The following C5 variants were observed in gnomAD, a reference collection of about 807,000 sequenced individuals.
The protein encoded by C5 is complement C5.
C5 carries 140 observed loss-of-function variants against 218.8 expected under a neutral mutation model. The ratio of observed to expected loss-of-function variants is 0.64; its 90% CI spans 0.56 to 0.74. The LOEUF (loss-of-function observed/expected upper bound fraction) is 0.74, where lower values mean the gene tolerates loss of function less well. Among genes scored for constraint, C5 ranks in the 30% least tolerant of loss-of-function variants. The probability of loss-of-function intolerance (pLI) is 0.00; values close to 1 mark genes in which losing one functional copy is unlikely to be tolerated. For synonymous variants in C5, 614 were observed against 682.3 expected (o/e 0.90, Z 1.56); for missense variants, 1,700 against 1,969.6 (o/e 0.86, Z 2.59).
chr9:120,971,383 A>T (rs1564135141), intron 31 of C5, among the ~76,000 whole-genome samples: 1 of 151,806 alleles, frequency 6.6e-6, no homozygotes. Flanking sequence ...AAAATTATAT[A>T]TCTCTATAAA....
chr9:121,003,443 G>A (rs997042348), intron 20 of C5, among the ~76,000 whole-genome samples: 1 of 152,054 alleles, frequency 6.6e-6, no homozygotes, highest in African/African-American at 2.4e-5. Context: ...ATATGGAAAA[G>A]TTCATTTTTA....
intron 39 of C5, among the ~76,000 whole-genome samples, chr9:120,955,126 C>A (rs903967352): frequency 1.3e-5 from 2 of 152,200 alleles, no homozygotes; most frequent in African/African-American, 4.8e-5. Flanking sequence ...CCTCAAACTA[C>A]AGTTTGCCCT....
In C5 at chr9:120,999,622, A is replaced by AAC. The variant is rs201018636; in HGVS notation, c.2563-1850_2563-1849dup. On this transcript the variant is annotated intron_variant, in intron 20 of 40. Transcript: ENST00000223642. ...AACTGAATCCAGCCAACTGCCTGCT[A>AAC]ACACACACACACACACGAAAAATCT... 290 of 216,714 alleles carry AAC rather than the reference A, an allele frequency of 1.3e-3. 1 individual carries two copies. Among genetic ancestry groups the AAC allele is most frequent in the South Asian group, 0.013 (238 of 18,606 alleles). The allele number at this position is 216,714 out of a possible 1,614,324, so 13.4% of individuals were successfully genotyped here. A position where few individuals can be genotyped will look rare whatever the true frequency, so the allele number is the denominator to read the frequency against.
chr9:120,978,248 A>G (rs76481162), intron 28 of C5, among the ~76,000 whole-genome samples: 9,642 of 152,264 alleles, frequency 0.063, 377 homozygotes, highest in Non-Finnish European at 0.091. Context: ...TATTTGTTTT[A>G]AAAAAAGTAA....
chr9:121,035,175 TAAC>T (rs1156891232), intron 4 of C5, among the ~76,000 whole-genome samples: 10 of 152,254 alleles, frequency 6.6e-5, no homozygotes, highest in African/African-American at 2.4e-4. Flanking sequence ...AGATGAAGTG[TAAC>T]AACACGTAAA....
intron 37 of C5, 48 bp downstream of exon 37, chr9:120,961,434 G>A: frequency 3.3e-6 from 4 of 1,211,004 alleles, no homozygotes; most frequent in Non-Finnish European, 4.9e-6. Context: ...GGTTATGAAC[G>A]ACTGCTTTAA....
intron 20 of C5, among the ~76,000 whole-genome samples, chr9:121,004,971 G>A (rs1416127134): frequency 3.1e-5 from 3 of 97,876 alleles, no homozygotes; most frequent in Non-Finnish European, 6.3e-5. Flanking sequence ...AGGGCAGAGC[G>A]AGACTCCGTC....
chr9:121,018,019 G>A lies in C5; in HGVS notation c.1507-167C>T, dbSNP rs139215636. 6.0e-3 allele frequency among the ~76,000 whole-genome samples: 908 copies of A among 150,294 alleles called. 18 individuals are homozygous for A. The highest frequency in any genetic ancestry group is 0.021 in the African/African-American group (864 of 40,876). ...TGTAATCCTAGCACTTTGGGAGGCC[G>A]AGGTGGGCCGATCACTTGAGGCCAG... On this transcript the variant is annotated intron_variant, in intron 12 of 40. Coordinates refer to ENST00000223642, the MANE Select transcript of C5 (RefSeq NM_001735.3).
At chr9:121,074,713 T>G in the C5 span, 1 of 432,602 alleles carries the variant, frequency 2.3e-6, no homozygotes, top group Non-Finnish European at 4.6e-6. Flanking sequence ...AGCTGCCGCA[T>G]GAAACCTCGG....
intron 1 of C5, among the ~76,000 whole-genome samples, chr9:121,047,024 G>A (rs990139172): frequency 2.0e-5 from 3 of 152,144 alleles, no homozygotes; most frequent in African/African-American, 7.2e-5. Context: ...AAGTGCATTT[G>A]GAAATGGAAA....
chr9:120,978,678 C>T (rs1353390133), intron 28 of C5, among the ~76,000 whole-genome samples: 1 of 152,176 alleles, frequency 6.6e-6, no homozygotes, highest in African/African-American at 2.4e-5. Flanking sequence ...AAGTGCCCAA[C>T]CATGCTAATA....
At chr9:121,007,005 T>C in intron 18 of C5, 28 bp from the exon 19 acceptor site, 2 of 1,517,574 alleles carry the variant, frequency 1.3e-6, no homozygotes, top group Non-Finnish European at 1.8e-6. Context: ...GATATTCAAA[T>C]ACAGTGGAAT....
At chr9:121,029,135 T>C (rs2047451932) in intron 7 of C5, among the ~76,000 whole-genome samples, 1 of 152,204 alleles carries the variant, frequency 6.6e-6, no homozygotes, top group South Asian at 2.1e-4. Context: ...AAGAATAAAG[T>C]AAACTTTCTA....
upstream of C5, among the ~76,000 whole-genome samples, chr9:121,053,872 G>A (rs2047685271): frequency 6.6e-6 from 1 of 152,166 alleles, no homozygotes; most frequent in Admixed American, 6.5e-5. Flanking sequence ...GGAGAATTCT[G>A]TGCTCCAGAG....
At chr9:120,969,210 G>A (rs1240161752) in intron 32 of C5, 92 bp from the exon 33 acceptor site, 1 of 984,556 alleles carries the variant, frequency 1.0e-6, no homozygotes, top group Admixed American at 1.7e-5. Flanking sequence ...TCATTAATGA[G>A]CAAATCTTTG....
At chr9:121,073,462 C>T in the C5 span, among the ~76,000 whole-genome samples, 1 of 148,188 alleles carries the variant, frequency 6.7e-6, no homozygotes, top group Non-Finnish European at 1.5e-5. Flanking sequence ...CCTCACTGTT[C>T]TAAGTTCTTT....
intron 28 of C5, chr9:120,979,853 T>C: frequency 2.1e-6 from 1 of 480,730 alleles, no homozygotes; most frequent in Non-Finnish European, 3.8e-6. Flanking sequence ...CACTCCAGCC[T>C]GGGTGACAGA....
intron 17 of C5, among the ~76,000 whole-genome samples, chr9:121,012,359 A>C (rs1564150863): frequency 6.6e-6 from 1 of 152,184 alleles, no homozygotes; most frequent in Non-Finnish European, 1.5e-5. Context: ...TAATAAGCAA[A>C]TATTATTAGC....
At chr9:120,970,998 T>G (rs761340971) in intron 31 of C5, among the ~76,000 whole-genome samples, 5 of 151,738 alleles carry the variant, frequency 3.3e-5, no homozygotes, top group Non-Finnish European at 7.4e-5. Context: ...ATGGTGAAAC[T>G]CCGTCTCTAC....
Sources: allele counts gnomAD v4.1 joint callset (sites outside exome capture counted in the v4.1 genomes callset), GRCh38; gene constraint gnomAD v4.1.1; transcripts MANE v1.5; gene names NCBI Gene and HGNC (gene_info 2026-07-23, HGNC 2026-07-21).